The following LPAR1 variants were observed in gnomAD, a reference collection of about 807,000 sequenced individuals.
The protein encoded by LPAR1 is LPA receptor 1.
Under a neutral mutation model 23.8 loss-of-function variants are expected in LPAR1, and 5 were observed. That is an observed-to-expected ratio of 0.21 (90% CI 0.11 to 0.44). LPAR1 has a LOEUF of 0.44. Ranked by LOEUF, LPAR1 falls within the 20% of genes least tolerant of loss-of-function variation. The pLI is 0.99. For synonymous variants in LPAR1, 160 were observed against 164.7 expected, an observed-to-expected ratio of 0.97 and a Z score of 0.22; for missense variants, 311 against 482.8, an observed-to-expected ratio of 0.64 and a Z score of 3.33.
chr9:110,960,873 C>A (rs1479785136), intron 4 of LPAR1, among the ~76,000 whole-genome samples: 1 of 152,154 alleles, frequency 6.6e-6, no homozygotes, highest in East Asian at 1.9e-4. Flanking sequence ...TAAAATGCAG[C>A]CTTACTTGAA....
intron 5 of LPAR1, among the ~76,000 whole-genome samples, chr9:110,922,853 A>ATTATTATTT (rs2093730648): frequency 6.8e-6 from 1 of 147,976 alleles, no homozygotes. Flanking sequence ...TATTATTATT[A>ATTATTATTT]TTATACTTTA....
chr9:110,880,198 T>TC (rs34228964), intron 5 of LPAR1, among the ~76,000 whole-genome samples: 1 of 151,986 alleles, frequency 6.6e-6, no homozygotes, highest in African/African-American at 2.4e-5. Context: ...GCTTTATTCC[T>TC]CCCTGATGCA....
chr9:110,883,202 A>T (rs1447547158), intron 5 of LPAR1, among the ~76,000 whole-genome samples: 1 of 151,996 alleles, frequency 6.6e-6, no homozygotes, highest in African/African-American at 2.4e-5. Flanking sequence ...ACCATGCCTA[A>T]TTTTTGTATT....
chr9:110,926,707 C>T (rs867136011), intron 5 of LPAR1, among the ~76,000 whole-genome samples: 3 of 151,918 alleles, frequency 2.0e-5, no homozygotes, highest in African/African-American at 7.2e-5. Flanking sequence ...TTTTTTTTCC[C>T]CTAACTCTCC....
intron 2 of LPAR1, among the ~76,000 whole-genome samples, chr9:111,016,058 T>C (rs1588876737): frequency 6.6e-6 from 1 of 152,176 alleles, no homozygotes; most frequent in African/African-American, 2.4e-5. Context: ...TGTCTTTGCA[T>C]ATGCACTTGG....
At chr9:110,952,447 GC>G (rs2095598925) in intron 4 of LPAR1, among the ~76,000 whole-genome samples, 1 of 152,096 alleles carries the variant, frequency 6.6e-6, no homozygotes, top group East Asian at 1.9e-4. Context: ...TGAGAACCCA[GC>G]CCCCACCAAA....
At chr9:110,905,520 A>T (rs1047123822) in intron 5 of LPAR1, among the ~76,000 whole-genome samples, 6 of 151,182 alleles carry the variant, frequency 4.0e-5, no homozygotes. Context: ...CTAATTTTTT[A>T]TTATTATTAT....
chr9:110,919,829 G>C (rs1314866919), intron 5 of LPAR1, among the ~76,000 whole-genome samples: 1 of 152,158 alleles, frequency 6.6e-6, no homozygotes, highest in African/African-American at 2.4e-5. Context: ...CAGACAGCCT[G>C]TAACTTCCAC....
At chr9:110,987,957 A>G (rs1195580655) in intron 2 of LPAR1, among the ~76,000 whole-genome samples, 1 of 151,952 alleles carries the variant, frequency 6.6e-6, no homozygotes, top group Non-Finnish European at 1.5e-5. Flanking sequence ...AAACCATAAC[A>G]ATAAAATCTT....
intron 2 of LPAR1, among the ~76,000 whole-genome samples, chr9:111,005,674 A>G (rs1452770889): frequency 6.6e-6 from 1 of 151,954 alleles, no homozygotes; most frequent in African/African-American, 2.4e-5. Flanking sequence ...AGCAAGTCTT[A>G]ACATTATTTA....
chr9:110,936,792 A>T (rs2094735201), intron 5 of LPAR1, among the ~76,000 whole-genome samples: 1 of 152,102 alleles, frequency 6.6e-6, no homozygotes, highest in African/African-American at 2.4e-5. Context: ...CTTAACCATG[A>T]TTTTCTCTTT....
chr9:110,990,402 C>T (rs2096871977), intron 2 of LPAR1, among the ~76,000 whole-genome samples: 1 of 152,114 alleles, frequency 6.6e-6, no homozygotes, highest in African/African-American at 2.4e-5. Context: ...AGTCTGTTCT[C>T]TGACCACACT....
chr9:110,882,792 G>T (rs2081246839), intron 5 of LPAR1, among the ~76,000 whole-genome samples: 1 of 152,186 alleles, frequency 6.6e-6, no homozygotes, highest in Admixed American at 6.5e-5. Flanking sequence ...AGCAAATTAT[G>T]TAAAATGTTA....
intron 5 of LPAR1, among the ~76,000 whole-genome samples, chr9:110,884,303 T>A (rs1588127729): frequency 6.6e-6 from 1 of 152,210 alleles, no homozygotes; most frequent in East Asian, 1.9e-4. Flanking sequence ...ACACTTTACT[T>A]ACCGCTACTT....
At chr9:110,930,790 CTA>C (rs1239719042) in intron 5 of LPAR1, among the ~76,000 whole-genome samples, 1 of 152,004 alleles carries the variant, frequency 6.6e-6, no homozygotes, top group South Asian at 2.1e-4. Flanking sequence ...TGGCGCGTGC[CTA>C]TAGTCCCAGC....
chr9:111,001,580 G>C lies in LPAR1; in HGVS notation c.-181-28022C>G, dbSNP rs73657225. Reference sequence around the variant, plus strand: ...ACACCCCAACTTCATATCATACATAGAACTAACATCCAGATGGACTAAAGG... The same window carrying C: ...ACACCCCAACTTCATATCATACATACAACTAACATCCAGATGGACTAAAGG... On this transcript the variant is annotated intron_variant, in intron 2 of 5. Transcript: ENST00000683809. 9.7e-3 allele frequency among the ~76,000 whole-genome samples: 1,469 copies of C among 152,218 alleles called. 22 individuals are homozygous for C. Among genetic ancestry groups the C allele is most frequent in the African/African-American group, 0.033 (1,373 of 41,540 alleles).
intron 2 of LPAR1, among the ~76,000 whole-genome samples, chr9:110,984,324 C>A (rs1038928944): frequency 6.6e-6 from 1 of 152,018 alleles, no homozygotes; most frequent in Non-Finnish European, 1.5e-5. Flanking sequence ...CAAATAAGAA[C>A]ATGCAAAGTT....
chr9:110,987,789 T>C (rs775722670), intron 2 of LPAR1, among the ~76,000 whole-genome samples: 16 of 152,090 alleles, frequency 1.1e-4, no homozygotes, highest in African/African-American at 1.7e-4. Flanking sequence ...TGGATCTGCA[T>C]TGTTCGTGGG....
chr9:110,898,979 C>T (rs1323946389), intron 5 of LPAR1, among the ~76,000 whole-genome samples: 1 of 152,088 alleles, frequency 6.6e-6, no homozygotes, highest in African/African-American at 2.4e-5. Context: ...TGATAAATAC[C>T]AAAAACCTGA....
Sources: allele counts gnomAD v4.1 joint callset (sites outside exome capture counted in the v4.1 genomes callset), GRCh38; gene constraint gnomAD v4.1.1; transcripts MANE v1.5; gene names NCBI Gene and HGNC (gene_info 2026-07-23, HGNC 2026-07-21).